Variants in ABCA9 observed in about 807,000 individuals in gnomAD.
ABCA9 encodes the protein ATP-binding cassette sub-family A member 9.
In ABCA9, 183 loss-of-function variants were observed where a neutral mutation model predicts 205.3. That is an observed-to-expected ratio of 0.89 (90% CI 0.79 to 1.01). ABCA9 has a LOEUF of 1.01. Among genes scored for constraint, ABCA9 ranks in the 50% least tolerant of loss-of-function variants. The pLI, the probability that ABCA9 is intolerant of heterozygous loss-of-function variation, is 0.00. For synonymous variants in ABCA9, 651 were observed against 683.3 expected (o/e 0.95, Z 0.74); for missense variants, 1,805 against 1,912.4 (o/e 0.94, Z 1.05).
At position 68,982,532 on chromosome 17, in the gene ABCA9, A is replaced by T. The variant is rs187225963; in HGVS notation, c.4720+30T>A. 4.5e-6 allele frequency: 7 copies of T among 1,555,216 alleles called. No individual in the cohort carries two copies. The South Asian group carries it at 7.8e-5, about 17-fold the overall frequency. On this transcript the variant is annotated intron_variant, in intron 37 of 38. Coordinates refer to ENST00000340001, the MANE Select transcript of ABCA9 (RefSeq NM_080283.4). ...TCAGATTTAGGCTTATCTGTTTCCC[A>T]GAGTTTTGTCTCTAAACAGTCACTC...
Position 69,053,419 on chromosome 17 carries a change from C to G in ABCA9, c.-13-2280G>C, listed in dbSNP as rs561726946. The stretch of plus-strand genomic sequence containing the variant: ...TACAAGGGTTTTAGAGGTTTTGTGC[C>G]AAAACTAGGGGGCAGAGACAAAATA... On this transcript the variant is annotated intron_variant, in intron 1 of 38. Transcript: ENST00000340001. 5.3e-5 allele frequency among the ~76,000 whole-genome samples: 8 copies of G among 152,180 alleles called. No individual in the cohort carries two copies. The South Asian group carries it at 1.7e-3, about 32-fold the overall frequency.
At chr17:68,996,740 C>G (rs753644707) in intron 25 of ABCA9, among the ~76,000 whole-genome samples, 1 of 151,998 alleles carries the variant, frequency 6.6e-6, no homozygotes, top group Non-Finnish European at 1.5e-5. Context: ...ATAATTTTAC[C>G]ATTTAATATG....
chr17:69,078,716 AGTTTT>A, the ABCA9 span: 1 of 289,288 alleles, frequency 3.5e-6, no homozygotes, highest in East Asian at 6.4e-5. Context: ...AAGTTTATAT[AGTTTT>A]ATTTCCACAA....
chr17:69,070,293 C>T, the ABCA9 span, among the ~76,000 whole-genome samples: 4 of 152,036 alleles, frequency 2.6e-5, no homozygotes, highest in Admixed American at 2.6e-4. Flanking sequence ...TAAAATGCAG[C>T]TCCCGGGCAA....
At chr17:69,015,888 A>T (rs1156476528) in intron 22 of ABCA9, among the ~76,000 whole-genome samples, 1 of 152,044 alleles carries the variant, frequency 6.6e-6, no homozygotes, top group Non-Finnish European at 1.5e-5. Context: ...ACCAAAAGTC[A>T]TAATGAGTTG....
At chr17:69,012,169 G>T in intron 22 of ABCA9, 86 bp from the exon 23 acceptor site, 2 of 881,088 alleles carry the variant, frequency 2.3e-6, no homozygotes, top group Non-Finnish European at 3.5e-6. Flanking sequence ...TCAAATAAAT[G>T]AATTGAGCTG....
At chr17:68,985,576 C>T (rs2069204759) in intron 32 of ABCA9, among the ~76,000 whole-genome samples, 2 of 151,680 alleles carry the variant, frequency 1.3e-5, no homozygotes, top group Non-Finnish European at 2.9e-5. Context: ...GAGCTGAGAT[C>T]GCACCACTGC....
intron 21 of ABCA9, among the ~76,000 whole-genome samples, chr17:69,016,785 G>T (rs2070632081): frequency 6.6e-6 from 1 of 152,102 alleles, no homozygotes; most frequent in South Asian, 2.1e-4. Context: ...GAGGCAGGCA[G>T]AAAGTTGTAA....
Position 69,033,774 on chromosome 17 carries a change from T to C in ABCA9, c.1228A>G (p.Thr410Ala). The change falls in exon 9 of 39, where the codon ACC becomes GCC. Residue 410 changes from threonine to alanine, a missense_variant. Physicochemically the swap from Thr to Ala is moderately conservative, Grantham distance 58 (BLOSUM62 0). Coordinates refer to ENST00000340001, the MANE Select transcript of ABCA9 (RefSeq NM_080283.4). ...IATLFMLVFD[T>A]LLYLVLTLYF... is the part of the protein sequence containing the mutation. ...AATGTCAATACCAAATACAGAAGGG[T>C]GTCAAAAACCAACATGAAAAGAGTA... is the stretch of plus-strand genomic sequence containing the variant. The C allele has an allele frequency of 1.9e-6, 3 of 1,612,516 alleles. No homozygotes were observed. The highest frequency in any genetic ancestry group is 2.5e-6 in the Non-Finnish European group (3 of 1,179,084).
chr17:69,062,460 A>G (rs1295959773), upstream of ABCA9, among the ~76,000 whole-genome samples: 3 of 151,962 alleles, frequency 2.0e-5, no homozygotes, highest in Admixed American at 1.3e-4. Context: ...GCTCCCTCTC[A>G]TTGATCTTCT....
the ABCA9 span, among the ~76,000 whole-genome samples, chr17:69,068,193 C>T: frequency 6.6e-6 from 1 of 152,174 alleles, no homozygotes; most frequent in Non-Finnish European, 1.5e-5. Context: ...ATTTGGTCAT[C>T]TAAAATTATT....
chr17:69,018,508 C>G lies in ABCA9; in HGVS notation c.2672G>C (p.Ser891Thr), dbSNP rs1445046249. The G allele has an allele frequency of 6.2e-7, 1 of 1,607,972 alleles. No homozygotes were observed. The highest frequency in any genetic ancestry group is 8.5e-7 in the Non-Finnish European group (1 of 1,177,530). The change falls in exon 20 of 39, where the codon AGT (serine) becomes ACT (threonine). Residue 891 changes from serine to threonine, a missense_variant. Transcript: ENST00000340001. ...EHLFYESYQK[S>T]YPWELSPNTY... The stretch of plus-strand genomic sequence containing the variant: ...ATTTGGAGACAGTTCCCACGGGTAA[C>G]TTTTCTGATATGACTCGTAGAATAG...
chr17:68,988,059 C>T (rs1036724589), intron 31 of ABCA9, among the ~76,000 whole-genome samples: 3 of 152,002 alleles, frequency 2.0e-5, no homozygotes, highest in Non-Finnish European at 1.5e-5. Flanking sequence ...CCACCGTGCC[C>T]GGACCTCATT....
the ABCA9 span, among the ~76,000 whole-genome samples, chr17:69,067,537 C>T: frequency 8.5e-6 from 1 of 117,744 alleles, no homozygotes; most frequent in South Asian, 2.7e-4. Context: ...GCCTGGGCAA[C>T]AGAGTAAGCA....
Position 69,049,335 on chromosome 17 carries a change from G to A in ABCA9, c.252C>T (p.Ser84=). 3.7e-6 allele frequency: 6 copies of A among 1,613,182 alleles called. No individual in the cohort carries two copies. Among genetic ancestry groups the A allele is most frequent in the Non-Finnish European group, 5.1e-6 (6 of 1,179,516 alleles). The part of the protein sequence containing the change: ...TNYVIAFAPE[S]KTTQEIMNKV... ...TGTTCATTATCTCTTGGGTAGTTTT[G>A]GATTCAGGTGCAAATGCAATAACAT... is the stretch of plus-strand genomic sequence containing the variant. Residue 84 remains serine, a synonymous_variant, in exon 3 of 39, where the codon TCC becomes TCT. Transcript: ENST00000340001.
chr17:69,062,266 G>A (rs1289940103), upstream of ABCA9, among the ~76,000 whole-genome samples: 1 of 151,750 alleles, frequency 6.6e-6, no homozygotes, highest in Admixed American at 6.6e-5. Flanking sequence ...CCAACATTTT[G>A]TGCACAGAGA....
intron 25 of ABCA9, among the ~76,000 whole-genome samples, chr17:69,001,468 C>A (rs2069865756): frequency 6.8e-6 from 1 of 146,882 alleles, no homozygotes; most frequent in Non-Finnish European, 1.5e-5. Context: ...GGATGAAGCC[C>A]ACTTGATCAT....
chr17:69,061,232 A>G, upstream of ABCA9: 1 of 844,146 alleles, frequency 1.2e-6, no homozygotes, highest in Non-Finnish European at 1.4e-6. Flanking sequence ...CAAGGCCCTA[A>G]TGGGAGAGTT....
chr17:69,078,214 T>C, the ABCA9 span, among the ~76,000 whole-genome samples: 1 of 149,924 alleles, frequency 6.7e-6, no homozygotes, highest in Admixed American at 6.6e-5. Context: ...TTTGTTGTTT[T>C]TTTTTTTTTT....
Sources: allele counts gnomAD v4.1 joint callset (sites outside exome capture counted in the v4.1 genomes callset), GRCh38; gene constraint gnomAD v4.1.1; transcripts MANE v1.5; gene names NCBI Gene and HGNC (gene_info 2026-07-23, HGNC 2026-07-21).